Variants in SYTL3 observed in about 807,000 individuals in gnomAD.
SYTL3 encodes synaptotagmin like 3.
A neutral mutation model predicts 82.1 loss-of-function variants in SYTL3; 88 were observed. The ratio of observed to expected loss-of-function variants is 1.07; its 90% CI spans 0.90 to 1.28. SYTL3 has a LOEUF of 1.28. SYTL3 is among the 50% of genes most tolerant of loss of function. The pLI is 0.00. For synonymous variants in SYTL3, 311 were observed against 289.4 expected (o/e 1.07, Z -0.76); for missense variants, 831 against 757.6 (o/e 1.10, Z -1.14).
chr6:158,732,428 C>T (rs1160256451), intron 11 of SYTL3, among the ~76,000 whole-genome samples: 2 of 152,266 alleles, frequency 1.3e-5, no homozygotes, highest in Admixed American at 1.3e-4. Flanking sequence ...ATAAAAGCGA[C>T]TGTTACGCGT....
chr6:158,693,233 T>G (rs1780113206), intron 6 of SYTL3, among the ~76,000 whole-genome samples: 1 of 152,260 alleles, frequency 6.6e-6, no homozygotes, highest in Non-Finnish European at 1.5e-5. Context: ...GTTTTATTTT[T>G]TTGAGACAGC....
At chr6:158,738,367 A>G (rs1354259852) in intron 11 of SYTL3, among the ~76,000 whole-genome samples, 1 of 152,124 alleles carries the variant, frequency 6.6e-6, no homozygotes, top group Non-Finnish European at 1.5e-5. Context: ...TCAGTTTGAA[A>G]TTTCCCAATC....
intron 8 of SYTL3, among the ~76,000 whole-genome samples, chr6:158,710,074 A>C (rs35083064): frequency 0.33 from 50,842 of 152,082 alleles, 8,992 homozygotes; most frequent in Non-Finnish European, 0.39. Context: ...CAGAACACTT[A>C]ACTGGCCACT....
At chr6:158,721,707 A>G (rs1163800013) in intron 10 of SYTL3, among the ~76,000 whole-genome samples, 1 of 152,152 alleles carries the variant, frequency 6.6e-6, no homozygotes, top group Non-Finnish European at 1.5e-5. Flanking sequence ...ATCTTGGCTC[A>G]CTGCAACCTC....
intron 2 of SYTL3, among the ~76,000 whole-genome samples, chr6:158,657,781 C>T (rs1788868951): frequency 1.3e-5 from 2 of 152,026 alleles, no homozygotes; most frequent in Non-Finnish European, 2.9e-5. Context: ...GCAATGTTGC[C>T]CTCCATGATG....
At chr6:158,677,436 A>T (rs2128396602) in intron 5 of SYTL3, among the ~76,000 whole-genome samples, 1 of 152,256 alleles carries the variant, frequency 6.6e-6, no homozygotes, top group South Asian at 2.1e-4. Context: ...GCATTAGGAG[A>T]TATACCTAAT....
intron 11 of SYTL3, among the ~76,000 whole-genome samples, chr6:158,734,742 C>G (rs778131499): frequency 6.6e-6 from 1 of 152,156 alleles, no homozygotes; most frequent in Non-Finnish European, 1.5e-5. Context: ...GTCACCTCCC[C>G]ACTAGACTCT....
At chr6:158,752,400 C>G (rs573247763) in intron 13 of SYTL3, among the ~76,000 whole-genome samples, 1 of 152,264 alleles carries the variant, frequency 6.6e-6, no homozygotes, top group Admixed American at 6.5e-5. Flanking sequence ...ACAGAGTGCC[C>G]TGAAAATTAA....
At chr6:158,704,516 T>C (rs189079759) in intron 6 of SYTL3, among the ~76,000 whole-genome samples, 291 of 152,312 alleles carry the variant, frequency 1.9e-3, no homozygotes, top group African/African-American at 6.6e-3. Context: ...CCGTGGGGGA[T>C]AGCAGGAGGA....
chr6:158,705,523 G>A (rs1175733419), intron 6 of SYTL3, among the ~76,000 whole-genome samples: 9 of 127,094 alleles, frequency 7.1e-5, no homozygotes, highest in Admixed American at 1.5e-4. Context: ...GAAGAACCCG[G>A]GGCAGGGTAA....
chr6:158,661,793 A>G (rs1264527300), intron 3 of SYTL3, among the ~76,000 whole-genome samples: 1 of 152,210 alleles, frequency 6.6e-6, no homozygotes, highest in Non-Finnish European at 1.5e-5. Context: ...ATACCACATG[A>G]TATGTTGTAG....
At chr6:158,759,074 T>G (rs1465303522) in intron 14 of SYTL3, among the ~76,000 whole-genome samples, 1 of 152,172 alleles carries the variant, frequency 6.6e-6, no homozygotes, top group African/African-American at 2.4e-5. Flanking sequence ...CCGTGCACCC[T>G]GCCTCTCCCA....
At chr6:158,740,768 T>G (rs4343940) in intron 11 of SYTL3, among the ~76,000 whole-genome samples, 48,987 of 152,086 alleles carry the variant, frequency 0.32, 8,454 homozygotes, top group South Asian at 0.45. Flanking sequence ...GTCCTTGTGG[T>G]TGGACCGTGA....
chr6:158,652,495 T>C (rs1275425264), intron 2 of SYTL3, among the ~76,000 whole-genome samples: 2 of 151,778 alleles, frequency 1.3e-5, no homozygotes, highest in Non-Finnish European at 1.5e-5. Context: ...ATGATCCACC[T>C]GCCTCGTCCT....
At chr6:158,756,801 T>C (rs1194222721) in intron 13 of SYTL3, among the ~76,000 whole-genome samples, 3 of 138,586 alleles carry the variant, frequency 2.2e-5, no homozygotes. Flanking sequence ...CTGGGTGCAG[T>C]GTTTAGATGC....
chr6:158,726,995 G>A (rs1450239345), intron 11 of SYTL3, among the ~76,000 whole-genome samples: 5 of 151,148 alleles, frequency 3.3e-5, no homozygotes, highest in African/African-American at 7.3e-5. Context: ...CACTACAGGC[G>A]CCCGCCACCA....
At chr6:158,757,983 G>C (rs1193561404) in intron 14 of SYTL3, among the ~76,000 whole-genome samples, 2 of 152,106 alleles carry the variant, frequency 1.3e-5, no homozygotes, top group Non-Finnish European at 2.9e-5. Flanking sequence ...TTTAGGATCC[G>C]TGTCCCCCAG....
intron 11 of SYTL3, chr6:158,726,879 T>A (rs28654243): frequency 0.16 from 23,528 of 150,072 alleles, 2,167 homozygotes; most frequent in South Asian, 0.35. Flanking sequence ...AGACAGAGTA[T>A]TGCTCTGTCA....
At chr6:158,674,587 G>A (rs1017238099) in intron 5 of SYTL3, among the ~76,000 whole-genome samples, 3 of 152,150 alleles carry the variant, frequency 2.0e-5, no homozygotes, top group Non-Finnish European at 2.9e-5. Flanking sequence ...CCTTCTCATC[G>A]CCCCTCTGTC....
Sources: allele counts gnomAD v4.1 joint callset (sites outside exome capture counted in the v4.1 genomes callset), GRCh38; gene constraint gnomAD v4.1.1; transcripts MANE v1.5; gene names NCBI Gene and HGNC (gene_info 2026-07-23, HGNC 2026-07-21).